PRPSAP1: variants seen among roughly 807,000 people sequenced by gnomAD.
PRPSAP1 encodes phosphoribosyl pyrophosphate synthetase associated protein 1, also known as phosphoribosyl pyrophosphate synthase-associated protein 1.
In PRPSAP1, 31 loss-of-function variants were observed where a neutral mutation model predicts 39.4. The observed-to-expected ratio is 0.79, with a 90% CI of 0.59 to 1.06. The LOEUF (loss-of-function observed/expected upper bound fraction) is 1.06, where lower values mean the gene tolerates loss of function less well. Ranked by LOEUF, PRPSAP1 falls within the 50% of genes least tolerant of loss-of-function variation. The pLI, the probability that PRPSAP1 is intolerant of heterozygous loss-of-function variation, is 0.00. For missense variants in PRPSAP1, 430 were observed against 511.6 expected (o/e 0.84, Z 1.54); for synonymous variants, 212 against 192.6 (o/e 1.10, Z -0.83).
At chr17:76,341,772 T>C (rs891891258) in intron 3 of PRPSAP1, among the ~76,000 whole-genome samples, 1 of 152,092 alleles carries the variant, frequency 6.6e-6, no homozygotes, top group Admixed American at 6.6e-5. Flanking sequence ...ACCCCGTCTC[T>C]ACTAAAAATA....
At chr17:76,331,069 G>A (rs1418055389) in intron 4 of PRPSAP1, among the ~76,000 whole-genome samples, 3 of 152,038 alleles carry the variant, frequency 2.0e-5, no homozygotes, top group African/African-American at 4.8e-5. Flanking sequence ...GAACACAAAC[G>A]CAAAGTAATA....
At chr17:76,325,648 G>C (rs1310127089) in intron 7 of PRPSAP1, among the ~76,000 whole-genome samples, 1 of 146,734 alleles carries the variant, frequency 6.8e-6, no homozygotes, top group Non-Finnish European at 1.5e-5. Context: ...ACCCAGGCTG[G>C]AGTGCAGTGG....
At chr17:76,316,336 G>A (rs944283087) in intron 7 of PRPSAP1, among the ~76,000 whole-genome samples, 6 of 151,880 alleles carry the variant, frequency 4.0e-5, no homozygotes, top group African/African-American at 7.3e-5. Flanking sequence ...TGTTAGTTTC[G>A]CATGAAAAAC....
chr17:76,321,526 C>G (rs951212476), intron 7 of PRPSAP1, among the ~76,000 whole-genome samples: 1 of 151,888 alleles, frequency 6.6e-6, no homozygotes, highest in East Asian at 1.9e-4. Context: ...CACACACACA[C>G]GCACAAAAAA....
At chr17:76,319,466 GATTT>G (rs910887928) in intron 7 of PRPSAP1, 4 of 151,354 alleles carry the variant, frequency 2.6e-5, no homozygotes, top group Admixed American at 2.0e-4. Flanking sequence ...AAATCTGACC[GATTT>G]ATTTTATTTT....
intron 1 of PRPSAP1, among the ~76,000 whole-genome samples, chr17:76,352,263 T>TA (rs1434872866): frequency 6.6e-6 from 1 of 152,170 alleles, no homozygotes; most frequent in Non-Finnish European, 1.5e-5. Flanking sequence ...TTTTATGTCT[T>TA]AGATTTCTAA....
chr17:76,330,774 G>A (rs550442303), intron 4 of PRPSAP1, 108 bp from the exon 5 acceptor site: 23 of 638,524 alleles, frequency 3.6e-5, no homozygotes, highest in South Asian at 6.1e-5. Flanking sequence ...GACTGAAGAC[G>A]GGGTACTGTG....
chr17:76,332,921 C>T, intron 3 of PRPSAP1, among the ~76,000 whole-genome samples: 1 of 147,672 alleles, frequency 6.8e-6, no homozygotes, highest in Non-Finnish European at 1.5e-5. Context: ...GAGACGGAGT[C>T]TCGCTGTCGC....
chr17:76,342,643 A>G (rs2071451806), intron 3 of PRPSAP1, among the ~76,000 whole-genome samples: 1 of 151,698 alleles, frequency 6.6e-6, no homozygotes, highest in African/African-American at 2.4e-5. Context: ...CTTTGAGTTC[A>G]GGAGCTTAAG....
intron 7 of PRPSAP1, among the ~76,000 whole-genome samples, chr17:76,323,883 C>T (rs1407889025): frequency 6.6e-6 from 1 of 152,028 alleles, no homozygotes; most frequent in South Asian, 2.1e-4. Flanking sequence ...CAGTGGCTCA[C>T]GCCTGTAATC....
chr17:76,328,117 C>A (rs1006590473), intron 7 of PRPSAP1, among the ~76,000 whole-genome samples: 1 of 150,644 alleles, frequency 6.6e-6, no homozygotes, highest in Non-Finnish European at 1.5e-5. Flanking sequence ...GAATCACTTG[C>A]GCCCCGGTCA....
At chr17:76,328,422 AACATGG>A (rs1367740026) in intron 7 of PRPSAP1, among the ~76,000 whole-genome samples, 1 of 152,144 alleles carries the variant, frequency 6.6e-6, no homozygotes, top group African/African-American at 2.4e-5. Flanking sequence ...CAGCCTGGCC[AACATGG>A]TGAAACCCTG....
intron 1 of PRPSAP1, chr17:76,353,035 C>G (rs960585225): frequency 6.5e-6 from 1 of 153,674 alleles, no homozygotes; most frequent in African/African-American, 2.4e-5. Flanking sequence ...CTGGAATTGC[C>G]TTCTTCGCAC....
At chr17:76,325,306 G>A (rs1351072368) in intron 7 of PRPSAP1, among the ~76,000 whole-genome samples, 7 of 148,070 alleles carry the variant, frequency 4.7e-5, no homozygotes, top group African/African-American at 1.7e-4. Flanking sequence ...CTATTCGGGA[G>A]GCTGAGGCAG....
intron 2 of PRPSAP1, chr17:76,345,936 T>C: frequency 4.5e-6 from 2 of 446,826 alleles, no homozygotes; most frequent in Non-Finnish European, 8.8e-6. Context: ...CTAAACCTGC[T>C]CCTCCCTCCA....
At chr17:76,324,854 G>T (rs1275042424) in intron 7 of PRPSAP1, among the ~76,000 whole-genome samples, 3 of 150,842 alleles carry the variant, frequency 2.0e-5, no homozygotes, top group Non-Finnish European at 1.5e-5. Flanking sequence ...GAGGTCAGGA[G>T]ATCGAGACCA....
At chr17:76,331,629 G>A (rs1437920327) in intron 4 of PRPSAP1, among the ~76,000 whole-genome samples, 1 of 152,130 alleles carries the variant, frequency 6.6e-6, no homozygotes, top group Non-Finnish European at 1.5e-5. Context: ...TATCTGCTGA[G>A]GAGCCGGGGA....
Position 76,316,854 on chromosome 17 carries a change from A to G in PRPSAP1, c.782-2963T>C, listed in dbSNP as rs550904049. On this transcript the variant is annotated intron_variant, in intron 7 of 9. Coordinates refer to ENST00000446526, the MANE Select transcript of PRPSAP1 (RefSeq NM_002766.3). ...CCAAGTAAAATAAAGCTGCACTGAC[A>G]ACCCTCCTTACCTTACGCACGCTTC... 2.0e-5 allele frequency among the ~76,000 whole-genome samples: 3 copies of G among 152,334 alleles called. No homozygotes were observed. The East Asian group carries it at 5.8e-4, about 29-fold the overall frequency.
chr17:76,341,004 G>GTC (rs1234854879), intron 3 of PRPSAP1, among the ~76,000 whole-genome samples: 2 of 151,878 alleles, frequency 1.3e-5, no homozygotes, highest in African/African-American at 4.8e-5. Flanking sequence ...ACAAAATGGG[G>GTC]TCTCTGCCGT....
Sources: gnomAD v4.1 joint callset for allele counts (sites outside exome capture counted in the v4.1 genomes callset) on GRCh38, gnomAD v4.1.1 for gene constraint, MANE v1.5 for transcripts, NCBI Gene and HGNC (gene_info 2026-07-23, HGNC 2026-07-21) for gene names.